Variants in LRRC8D observed in about 807,000 individuals in gnomAD.
LRRC8D encodes the protein leucine rich repeat containing 8 VRAC subunit D.
Under a neutral mutation model 55.8 loss-of-function variants are expected in LRRC8D, and 20 were observed. The ratio of observed to expected loss-of-function variants is 0.36; its 90% confidence interval spans 0.25 to 0.52. The LOEUF (loss-of-function observed/expected upper bound fraction) is 0.52, where lower values mean the gene tolerates loss of function less well. Among genes scored for constraint, LRRC8D ranks in the 20% least tolerant of loss-of-function variants. LRRC8D has a pLI of 0.93. For missense variants in LRRC8D, 651 were observed against 1,030.8 expected, an observed-to-expected ratio of 0.63 and a Z score of 5.05; for synonymous variants, 352 against 377.0, an observed-to-expected ratio of 0.93 and a Z score of 0.77.
At chr1:89,836,266 G>A (rs1661003512) in intron 1 of LRRC8D, among the ~76,000 whole-genome samples, 1 of 152,062 alleles carries the variant, frequency 6.6e-6, no homozygotes, top group Non-Finnish European at 1.5e-5. Flanking sequence ...TTGCTGGGAG[G>A]ACAGATAGTT....
chr1:89,917,601 T>C (rs1663307737), intron 2 of LRRC8D, among the ~76,000 whole-genome samples: 1 of 152,090 alleles, frequency 6.6e-6, no homozygotes. Flanking sequence ...CCTATACTCT[T>C]TCTTCACACC....
chr1:89,879,767 A>G (rs1248009783), intron 2 of LRRC8D, among the ~76,000 whole-genome samples: 1 of 152,196 alleles, frequency 6.6e-6, no homozygotes, highest in Non-Finnish European at 1.5e-5. Context: ...TGTATTCAGT[A>G]GTTATTTGTT....
At chr1:89,887,905 G>T (rs535822465) in intron 2 of LRRC8D, among the ~76,000 whole-genome samples, 24 of 152,292 alleles carry the variant, frequency 1.6e-4, no homozygotes, top group Admixed American at 1.4e-3. Flanking sequence ...AGGGTGGGAG[G>T]TTTCTTAGAA....
At chr1:89,836,021 A>G (rs954340368) in intron 1 of LRRC8D, among the ~76,000 whole-genome samples, 1 of 152,194 alleles carries the variant, frequency 6.6e-6, no homozygotes, top group African/African-American at 2.4e-5. Context: ...CCCATGAACA[A>G]GCCTGCTAGG....
intron 1 of LRRC8D, among the ~76,000 whole-genome samples, chr1:89,840,225 G>T (rs947477864): frequency 7.1e-6 from 1 of 141,820 alleles, no homozygotes; most frequent in Non-Finnish European, 1.6e-5. Context: ...ACACACGTGC[G>T]CATGCACACA....
In LRRC8D at chr1:89,821,181, G is replaced by C. The variant is rs906909095; in HGVS notation, c.-258G>C. On this transcript the variant is annotated 5_prime_UTR_variant, in exon 1 of 3. Coordinates refer to ENST00000337338, the MANE Select transcript of LRRC8D (RefSeq NM_001134479.2). The stretch of plus-strand genomic sequence containing the variant: ...GCGGGAGCAGGGTCCAGGGTGCAGC[G>C]CGCCTTCGCCGCCCCGGCGCGTCCC... The C allele has an allele frequency of 6.6e-6, 1 of 152,112 alleles. No individual in the cohort carries two copies. Among genetic ancestry groups the C allele is most frequent in the Non-Finnish European group, 1.5e-5 (1 of 68,138 alleles). The allele number at this position is 152,112 out of a possible 1,614,324, so 9.4% of individuals were successfully genotyped here.
intron 2 of LRRC8D, among the ~76,000 whole-genome samples, chr1:89,872,215 C>T (rs1020944250): frequency 1.3e-5 from 2 of 152,222 alleles, no homozygotes; most frequent in Non-Finnish European, 2.9e-5. Context: ...AGTGCTTTCT[C>T]AGTAAGTGCT....
chr1:89,853,690 C>G (rs1053287288), intron 2 of LRRC8D, among the ~76,000 whole-genome samples: 1 of 152,138 alleles, frequency 6.6e-6, no homozygotes. Flanking sequence ...CAGGTCCTAT[C>G]AGGGCACAGA....
At chr1:89,931,300 A>C (rs1037300968) in intron 2 of LRRC8D, among the ~76,000 whole-genome samples, 17 of 150,692 alleles carry the variant, frequency 1.1e-4, no homozygotes, top group South Asian at 8.3e-4. Flanking sequence ...CTGCCTTCAG[A>C]AACTTAATTT....
chr1:89,877,021 C>T (rs1337190700), intron 2 of LRRC8D, among the ~76,000 whole-genome samples: 1 of 152,192 alleles, frequency 6.6e-6, no homozygotes, highest in Non-Finnish European at 1.5e-5. Context: ...TTAATTTAAA[C>T]CTCAATAGCC....
At chr1:89,824,776 A>T (rs1284835744) in intron 1 of LRRC8D, among the ~76,000 whole-genome samples, 1 of 152,218 alleles carries the variant, frequency 6.6e-6, no homozygotes, top group Admixed American at 6.5e-5. Context: ...TCGGCATCTC[A>T]CATGGAGAAT....
chr1:89,832,140 C>T (rs1660902718), intron 1 of LRRC8D, among the ~76,000 whole-genome samples: 1 of 152,152 alleles, frequency 6.6e-6, no homozygotes, highest in South Asian at 2.1e-4. Flanking sequence ...ACTGTGACCC[C>T]AATAGTGCTC....
intron 2 of LRRC8D, among the ~76,000 whole-genome samples, chr1:89,853,053 G>A (rs1214939566): frequency 6.6e-6 from 1 of 152,212 alleles, no homozygotes; most frequent in Admixed American, 6.5e-5. Context: ...CACTTTAGTG[G>A]CTACCATCAT....
At chr1:89,822,351 G>A (rs1253409159) in intron 1 of LRRC8D, among the ~76,000 whole-genome samples, 1 of 152,122 alleles carries the variant, frequency 6.6e-6, no homozygotes, top group East Asian at 1.9e-4. Context: ...ATAGGTACTG[G>A]GGAGTCCTAG....
chr1:89,889,392 A>G (rs1421242136), intron 2 of LRRC8D, among the ~76,000 whole-genome samples: 1 of 152,200 alleles, frequency 6.6e-6, no homozygotes, highest in Non-Finnish European at 1.5e-5. Context: ...ATCCTGGAAC[A>G]GAAAAAGAAC....
At chr1:89,836,941 T>A (rs1238782018) in intron 1 of LRRC8D, among the ~76,000 whole-genome samples, 1 of 152,240 alleles carries the variant, frequency 6.6e-6, no homozygotes, top group Non-Finnish European at 1.5e-5. Context: ...TTCCGTTCCT[T>A]GTGGCTTTTT....
intron 2 of LRRC8D, among the ~76,000 whole-genome samples, chr1:89,884,039 A>G (rs1461179315): frequency 3.3e-5 from 5 of 152,350 alleles, no homozygotes; most frequent in Admixed American, 6.5e-5. Flanking sequence ...AGTTTATAAG[A>G]AAGCAAACCA....
intron 2 of LRRC8D, among the ~76,000 whole-genome samples, chr1:89,872,313 A>G (rs965649673): frequency 3.3e-5 from 5 of 152,252 alleles, no homozygotes; most frequent in Non-Finnish European, 7.3e-5. Flanking sequence ...GAAATGTCGC[A>G]TATCCCTTCC....
chr1:89,932,216 T>C (rs927624487), intron 2 of LRRC8D, among the ~76,000 whole-genome samples: 1 of 152,076 alleles, frequency 6.6e-6, no homozygotes, highest in Non-Finnish European at 1.5e-5. Flanking sequence ...GTCACCTGCT[T>C]TGGTAGAGAT....
Sources: gnomAD v4.1 joint callset for allele counts (sites outside exome capture counted in the v4.1 genomes callset) on GRCh38, gnomAD v4.1.1 for gene constraint, MANE v1.5 for transcripts, NCBI Gene and HGNC (gene_info 2026-07-23, HGNC 2026-07-21) for gene names.